Variants in DCAF12 observed in about 807,000 individuals in gnomAD.
DCAF12 encodes the protein DDB1 and CUL4 associated factor 12.
DCAF12 carries 28 observed loss-of-function variants against 52.8 expected under a neutral mutation model. The ratio of observed to expected loss-of-function variants is 0.53; its 90% CI spans 0.39 to 0.73. DCAF12 has a LOEUF of 0.73. DCAF12 is among the 30% of genes least tolerant of loss of function. DCAF12 has a pLI of 0.00. For synonymous variants in DCAF12, 196 were observed against 215.5 expected, an observed-to-expected ratio of 0.91 and a Z score of 0.79; for missense variants, 425 against 552.2, an observed-to-expected ratio of 0.77 and a Z score of 2.31.
intron 7 of DCAF12, among the ~76,000 whole-genome samples, chr9:34,091,581 TG>T (rs1767361682): frequency 7.5e-6 from 1 of 133,908 alleles, no homozygotes. Flanking sequence ...AAAGCTGCAG[TG>T]AACTGAGATT....
intron 2 of DCAF12, among the ~76,000 whole-genome samples, chr9:34,122,056 T>G (rs1420868072): frequency 6.6e-6 from 1 of 152,214 alleles, no homozygotes; most frequent in Non-Finnish European, 1.5e-5. Context: ...CTTCTTGCCC[T>G]GTAAATGTAC....
At position 34,104,371 on chromosome 9, in the gene DCAF12, T is replaced by C. The variant is rs185004896; in HGVS notation, c.601+2063A>G. On this transcript the variant is annotated intron_variant, in intron 4 of 8. Coordinates refer to ENST00000361264, the MANE Select transcript of DCAF12 (RefSeq NM_015397.4). ...AGAGACAAGGGCACATCTGGAGAAC[T>C]AGACATGGTTTGTTAATGCTGGATT... Among the ~76,000 whole-genome samples the C allele has an allele frequency of 1.1e-4, 16 of 152,172 alleles. No homozygotes were observed. The East Asian group carries it at 2.3e-3, about 22-fold the overall frequency.
intron 6 of DCAF12, among the ~76,000 whole-genome samples, chr9:34,095,469 C>T (rs570177123): frequency 1.1e-4 from 17 of 150,424 alleles, no homozygotes; most frequent in African/African-American, 4.2e-4. Context: ...CAGCCTTGAC[C>T]TCCTCAGCTC....
At chr9:34,114,658 C>T (rs1052502960) in intron 2 of DCAF12, among the ~76,000 whole-genome samples, 9 of 152,070 alleles carry the variant, frequency 5.9e-5, no homozygotes, top group Admixed American at 6.6e-5. Context: ...AAACTAGCAG[C>T]GCGGCAAGGT....
At chr9:34,115,160 G>A (rs1017078844) in intron 2 of DCAF12, among the ~76,000 whole-genome samples, 1 of 152,030 alleles carries the variant, frequency 6.6e-6, no homozygotes. Flanking sequence ...GAGAGGTTGG[G>A]AAAGGAAAGA....
At position 34,104,865 on chromosome 9, in the gene DCAF12, C is replaced by T. The variant is rs563897642; in HGVS notation, c.601+1569G>A. On this transcript the variant is annotated intron_variant, in intron 4 of 8. Coordinates refer to ENST00000361264, the MANE Select transcript of DCAF12 (RefSeq NM_015397.4). ...CCCAGGAGGCGGAGGTTGCAGTGAG[C>T]CAAGATTGCACCATTGCACTTTAGC... Among the ~76,000 whole-genome samples, 163 of 150,614 alleles carry T rather than the reference C, an allele frequency of 1.1e-3. 1 individual carries two copies. Among genetic ancestry groups the T allele is most frequent in the Non-Finnish European group, 2.1e-3 (139 of 67,730 alleles).
In DCAF12 at chr9:34,089,400, G is replaced by C; in HGVS notation, c.1203+12C>G. On this transcript the variant is annotated intron_variant, in intron 8 of 8. Coordinates refer to ENST00000361264, the MANE Select transcript of DCAF12 (RefSeq NM_015397.4). The stretch of plus-strand genomic sequence containing the variant: ...ACTGTGTAGCAGTCATCTCAGGTAG[G>C]GGCTTACGCACCAGCCAGCCTTTGC... 6.8e-6 allele frequency: 11 copies of C among 1,606,772 alleles called. No individual in the cohort carries two copies. Among genetic ancestry groups the C allele is most frequent in the Non-Finnish European group, 9.4e-6 (11 of 1,175,726 alleles).
chr9:34,094,954 A>C (rs971379806), intron 6 of DCAF12, among the ~76,000 whole-genome samples: 1 of 152,182 alleles, frequency 6.6e-6, no homozygotes, highest in African/African-American at 2.4e-5. Flanking sequence ...ATTTTATGCA[A>C]TATTTTAAAT....
intron 2 of DCAF12, among the ~76,000 whole-genome samples, chr9:34,122,134 TAG>T (rs1034213761): frequency 7.2e-5 from 11 of 152,100 alleles, no homozygotes; most frequent in African/African-American, 2.7e-4. Context: ...TTTTGGCTCA[TAG>T]TACTCTCTTT....
At chr9:34,109,995 A>G (rs1004350550) in intron 2 of DCAF12, 3 of 148,758 alleles carry the variant, frequency 2.0e-5, no homozygotes, top group Non-Finnish European at 4.4e-5. Context: ...TTTAAATTAT[A>G]TATAATTATA....
At chr9:34,102,046 T>G (rs1322866136) in intron 4 of DCAF12, among the ~76,000 whole-genome samples, 1 of 151,096 alleles carries the variant, frequency 6.6e-6, no homozygotes, top group Non-Finnish European at 1.5e-5. Context: ...ATGACGACTA[T>G]TCTAGGCTGG....
At chr9:34,089,975 A>G in intron 7 of DCAF12, 1 of 166,766 alleles carries the variant, frequency 6.0e-6, no homozygotes, top group Non-Finnish European at 1.3e-5. Context: ...CTACACTGCA[A>G]CTCAAGGTAA....
intron 2 of DCAF12, among the ~76,000 whole-genome samples, chr9:34,108,321 A>G (rs1405537085): frequency 6.6e-6 from 1 of 152,214 alleles, no homozygotes; most frequent in Admixed American, 6.6e-5. Context: ...GAACACAGCT[A>G]TGAACGAGAG....
chr9:34,121,906 G>A (rs1182106876), intron 2 of DCAF12, among the ~76,000 whole-genome samples: 2 of 152,152 alleles, frequency 1.3e-5, no homozygotes, highest in African/African-American at 4.8e-5. Flanking sequence ...TCGCGCCACT[G>A]CACTCCAGCC....
chr9:34,098,793 G>T (rs1828781104), intron 4 of DCAF12, among the ~76,000 whole-genome samples: 1 of 152,044 alleles, frequency 6.6e-6, no homozygotes. Context: ...TTTTGAGACA[G>T]AGTCTCGCTT....
intron 2 of DCAF12, among the ~76,000 whole-genome samples, chr9:34,123,146 A>G (rs1371865316): frequency 6.6e-6 from 1 of 152,166 alleles, no homozygotes. Flanking sequence ...TTGAATGACT[A>G]CCCTAGTTTG....
intron 2 of DCAF12, chr9:34,109,463 A>G (rs546424707): frequency 4.6e-4 from 84 of 181,230 alleles, no homozygotes; most frequent in South Asian, 3.9e-3. Flanking sequence ...GGGGGATTCA[A>G]TGAACAAAGT....
chr9:34,095,475 A>G (rs1321095028), intron 6 of DCAF12, among the ~76,000 whole-genome samples: 1 of 141,712 alleles, frequency 7.1e-6, no homozygotes, highest in East Asian at 2.1e-4. Flanking sequence ...TGACCTCCTC[A>G]GCTCAAGTGG....
At chr9:34,115,195 C>G (rs907708418) in intron 2 of DCAF12, among the ~76,000 whole-genome samples, 1 of 151,926 alleles carries the variant, frequency 6.6e-6, no homozygotes, top group African/African-American at 2.4e-5. Context: ...GCAGAAGAAT[C>G]TATTCACTAT....
Sources: gnomAD v4.1 joint callset for allele counts (sites outside exome capture counted in the v4.1 genomes callset) on GRCh38, gnomAD v4.1.1 for gene constraint, MANE v1.5 for transcripts, NCBI Gene and HGNC (gene_info 2026-07-23, HGNC 2026-07-21) for gene names.